Variants in NCALD observed in about 807,000 individuals in gnomAD.
NCALD encodes the protein neurocalcin-delta.
NCALD carries 10 observed loss-of-function variants against 18.6 expected under a neutral mutation model. The observed-to-expected ratio is 0.54, with a 90% confidence interval of 0.33 to 0.91. The LOEUF is 0.91. NCALD is among the 40% of genes least tolerant of loss of function. The pLI, the probability that NCALD is intolerant of heterozygous loss-of-function variation, is 0.03. For synonymous variants in NCALD, 88 were observed against 87.4 expected (o/e 1.01, Z -0.04); for missense variants, 184 against 247.6 (o/e 0.74, Z 1.72).
intron 1 of NCALD, among the ~76,000 whole-genome samples, chr8:101,773,047 T>C (rs1365876246): frequency 1.3e-5 from 2 of 152,114 alleles, no homozygotes; most frequent in Non-Finnish European, 2.9e-5. Context: ...AATGAATCAT[T>C]TGAGAGACTG....
intron 2 of NCALD, among the ~76,000 whole-genome samples, chr8:101,997,863 A>T (rs1245201950): frequency 6.6e-6 from 1 of 152,264 alleles, no homozygotes; most frequent in Non-Finnish European, 1.5e-5. Flanking sequence ...TCCCAGAAAC[A>T]TGCCTTTCTA....
chr8:101,831,416 C>A (rs1814181245), intron 4 of NCALD, among the ~76,000 whole-genome samples: 1 of 152,186 alleles, frequency 6.6e-6, no homozygotes, highest in South Asian at 2.1e-4. Context: ...CATGTACCCA[C>A]TCTCAAATCC....
At chr8:101,952,756 C>T (rs932051368) in intron 2 of NCALD, among the ~76,000 whole-genome samples, 2 of 152,156 alleles carry the variant, frequency 1.3e-5, no homozygotes, top group African/African-American at 4.8e-5. Context: ...GTGTGGATGG[C>T]ACTGCATAGT....
intron 3 of NCALD, among the ~76,000 whole-genome samples, chr8:101,911,291 G>C (rs994188962): frequency 1.3e-5 from 2 of 150,250 alleles, no homozygotes; most frequent in African/African-American, 2.5e-5. Flanking sequence ...AGAGGAGAAG[G>C]GGGGAGAAGG....
At chr8:101,692,005 A>G (rs1220994511) in intron 3 of NCALD, 63 of 983,654 alleles carry the variant, frequency 6.4e-5, no homozygotes, top group Non-Finnish European at 7.5e-5. Flanking sequence ...AATTAAATAC[A>G]TGATGCCCCG....
At chr8:101,742,646 C>G (rs1125334) in intron 1 of NCALD, among the ~76,000 whole-genome samples, 1 of 151,902 alleles carries the variant, frequency 6.6e-6, no homozygotes, top group Admixed American at 6.6e-5. Context: ...ATAAACTGAT[C>G]CTCATTAGAT....
chr8:101,790,445 A>C (rs1321622924), intron 1 of NCALD, among the ~76,000 whole-genome samples: 1 of 152,226 alleles, frequency 6.6e-6, no homozygotes, highest in Non-Finnish European at 1.5e-5. Context: ...CCAAATTCCA[A>C]ACTATTTTAG....
intron 3 of NCALD, among the ~76,000 whole-genome samples, chr8:101,894,522 C>T (rs1227785079): frequency 6.3e-5 from 9 of 143,574 alleles, no homozygotes; most frequent in Non-Finnish European, 8.9e-5. Context: ...CAGAGCAGAA[C>T]TGAAGGAAAT....
chr8:102,055,720 C>T (rs1425802728), intron 1 of NCALD, among the ~76,000 whole-genome samples: 2 of 152,214 alleles, frequency 1.3e-5, no homozygotes, highest in African/African-American at 2.4e-5. Context: ...ACCACTCTCA[C>T]TCTTAAACAC....
At chr8:101,991,546 T>C (rs1821048834) in intron 2 of NCALD, among the ~76,000 whole-genome samples, 1 of 152,164 alleles carries the variant, frequency 6.6e-6, no homozygotes, top group Non-Finnish European at 1.5e-5. Flanking sequence ...ATAGTACCAA[T>C]TCATGTGTCT....
chr8:101,962,611 T>C (rs987204090), intron 2 of NCALD, among the ~76,000 whole-genome samples: 2 of 152,206 alleles, frequency 1.3e-5, no homozygotes, highest in African/African-American at 4.8e-5. Flanking sequence ...TTGCTGGATA[T>C]GCAAAATCTC....
chr8:101,890,208 G>A (rs1016827207), intron 3 of NCALD, among the ~76,000 whole-genome samples: 1 of 152,172 alleles, frequency 6.6e-6, no homozygotes, highest in East Asian at 1.9e-4. Flanking sequence ...CAGAAGATCT[G>A]ACAGGCACAT....
intron 3 of NCALD, chr8:101,692,432 T>G: frequency 1.0e-6 from 1 of 985,396 alleles, no homozygotes; most frequent in Non-Finnish European, 1.2e-6. Flanking sequence ...CTCCCCATTT[T>G]GATGAACTGG....
intron 1 of NCALD, among the ~76,000 whole-genome samples, chr8:101,789,754 T>C (rs1290059271): frequency 1.3e-5 from 2 of 152,172 alleles, no homozygotes; most frequent in African/African-American, 4.8e-5. Context: ...TTTAGACACC[T>C]GGTTATAAAT....
intron 2 of NCALD, among the ~76,000 whole-genome samples, chr8:102,016,061 A>ACC (rs1822073393): frequency 6.6e-6 from 1 of 151,926 alleles, no homozygotes; most frequent in Non-Finnish European, 1.5e-5. Context: ...ACTGGTAGAG[A>ACC]ACCAAAACAT....
intron 2 of NCALD, among the ~76,000 whole-genome samples, chr8:101,938,780 C>T (rs763949795): frequency 1.3e-5 from 2 of 152,192 alleles, no homozygotes; most frequent in Non-Finnish European, 1.5e-5. Context: ...AGACCCTCAA[C>T]CTGTACTGAG....
intron 2 of NCALD, among the ~76,000 whole-genome samples, chr8:101,711,473 G>A (rs776055607): frequency 1.4e-4 from 21 of 152,042 alleles, no homozygotes; most frequent in Non-Finnish European, 2.6e-4. Context: ...AAACTCTTCC[G>A]AGCTAAAGGA....
chr8:102,121,824 C>T (rs1825953507), intron 1 of NCALD, among the ~76,000 whole-genome samples: 1 of 152,144 alleles, frequency 6.6e-6, no homozygotes, highest in Non-Finnish European at 1.5e-5. Context: ...ACTCTTGATT[C>T]CTTAGTATTT....
In NCALD at chr8:101,928,952, G is replaced by A. The variant is rs141836579; in HGVS notation, c.-156-13094C>T. ...AGGCGTGCAGGGTGTCAGGGGAGGCGAGGGGTGAGCCTGAATGGTGAGGGG... is the reference window on the plus strand; with the variant it reads ...AGGCGTGCAGGGTGTCAGGGGAGGCAAGGGGTGAGCCTGAATGGTGAGGGG... On this transcript the variant is annotated intron_variant, in intron 2 of 6. Coordinates refer to the NCALD transcript ENST00000311028. 1.6e-4 allele frequency among the ~76,000 whole-genome samples: 24 copies of A among 152,050 alleles called. No homozygotes were observed. In the East Asian group the frequency reaches 2.5e-3, roughly 16 times the overall value.
Sources: allele counts gnomAD v4.1 joint callset (sites outside exome capture counted in the v4.1 genomes callset), GRCh38; gene constraint gnomAD v4.1.1; transcripts MANE v1.5; gene names NCBI Gene and HGNC (gene_info 2026-07-23, HGNC 2026-07-21).